Variants in DMD observed in about 807,000 individuals in gnomAD.
DMD encodes the protein mutant dystrophin.
In DMD, 63 loss-of-function variants were observed where a neutral mutation model predicts 330.1. The ratio of observed to expected loss-of-function variants is 0.19; its 90% CI spans 0.16 to 0.24. The LOEUF (loss-of-function observed/expected upper bound fraction) is 0.24, where lower values mean the gene tolerates loss of function less well. DMD is among the 10% of genes least tolerant of loss of function. The pLI, the probability that DMD is intolerant of heterozygous loss-of-function variation, is 1.00. For missense variants in DMD, 3,344 were observed against 2,684.1 expected, an observed-to-expected ratio of 1.25 and a Z score of -5.43; for synonymous variants, 1,223 against 959.8, an observed-to-expected ratio of 1.27 and a Z score of -5.07.
At chrX:32,162,064 G>A (rs1488645897) in intron 44 of DMD, among the ~76,000 whole-genome samples, 4 of 111,669 alleles carry the variant, frequency 3.6e-5, no homozygotes, top group African/African-American at 9.8e-5. Context: ...CCTAATGCAT[G>A]TGGGGCTTAA....
At chrX:32,521,047 C>T (rs1212521302) in intron 17 of DMD, among the ~76,000 whole-genome samples, 2 of 111,623 alleles carry the variant, frequency 1.8e-5, no homozygotes, top group Non-Finnish European at 3.8e-5. Context: ...GCATATGTAG[C>T]CACCGTTCTC....
chrX:32,504,818 A>G (rs764175726), intron 18 of DMD, among the ~76,000 whole-genome samples: 1 of 110,909 alleles, frequency 9.0e-6, no homozygotes, highest in East Asian at 2.8e-4. Context: ...TATGCTCAGC[A>G]CCAAACCTCA....
Position 32,536,264 on chromosome X carries a change from CAAAAAA to C in DMD, c.2168+8889_2168+8894del, listed in dbSNP as rs1191335690. ...TGGCAACAGAGTGAGACTCCGTCTC[CAAAAAA>C]AAAAAAAAAAAAAAAAAACACACAA... On this transcript the variant is annotated intron_variant, in intron 17 of 78. Transcript: ENST00000357033. 6.4e-3 allele frequency among the ~76,000 whole-genome samples: 233 copies of C among 36,354 alleles called. 2 individuals are homozygous for C. The highest frequency in any genetic ancestry group is 0.034 in the Middle Eastern group (1 of 29). The allele number at this position is 36,354 out of a possible 115,157, so 31.6% of individuals were successfully genotyped here.
chrX:31,685,428 T>C (rs1259475098), intron 52 of DMD, among the ~76,000 whole-genome samples: 1 of 112,302 alleles, frequency 8.9e-6, no homozygotes, highest in Non-Finnish European at 1.9e-5. Context: ...AATGTCATCA[T>C]CACATATAAA....
At chrX:31,922,644 C>T (rs764005532) in intron 47 of DMD, among the ~76,000 whole-genome samples, 7 of 111,031 alleles carry the variant, frequency 6.3e-5, no homozygotes, top group African/African-American at 2.3e-4. Flanking sequence ...AGACACCCAG[C>T]TGGTGCCTGC....
chrX:32,690,159 A>G (rs900705160), intron 9 of DMD, among the ~76,000 whole-genome samples: 11 of 111,294 alleles, frequency 9.9e-5, no homozygotes, highest in Non-Finnish European at 2.1e-4. Context: ...AGAAAACCCT[A>G]GAATCCATTA....
At chrX:32,544,326 C>A (rs2048765326) in intron 17 of DMD, among the ~76,000 whole-genome samples, 1 of 111,551 alleles carries the variant, frequency 9.0e-6, no homozygotes, top group African/African-American at 3.3e-5. Flanking sequence ...GATGTGTGTT[C>A]TTTTCAAACT....
chrX:33,083,132 T>C (rs942287952), intron 1 of DMD, among the ~76,000 whole-genome samples: 3 of 111,988 alleles, frequency 2.7e-5, no homozygotes, highest in African/African-American at 9.7e-5. Flanking sequence ...GTTCCCTTTC[T>C]CTGCAGCTTC....
chrX:32,773,522 T>A (rs7057616), intron 7 of DMD, among the ~76,000 whole-genome samples: 5,035 of 107,483 alleles, frequency 0.047, 309 homozygotes, highest in African/African-American at 0.16. Flanking sequence ...TTTTATTTTT[T>A]TTTTTTTTTT....
At chrX:31,310,604 G>C (rs1751131431) in intron 62 of DMD, among the ~76,000 whole-genome samples, 1 of 110,564 alleles carries the variant, frequency 9.0e-6, no homozygotes, top group African/African-American at 3.3e-5. Context: ...GAGTGCAGTG[G>C]CACAAACACG....
intron 1 of DMD, among the ~76,000 whole-genome samples, chrX:33,120,779 G>A (rs186709794): frequency 9.4e-6 from 1 of 106,598 alleles, no homozygotes; most frequent in Non-Finnish European, 1.9e-5. Flanking sequence ...TACTCGGGAG[G>A]CTGAGGCAGG....
chrX:31,798,521 T>C (rs1277496548), intron 50 of DMD, among the ~76,000 whole-genome samples: 1 of 104,486 alleles, frequency 9.6e-6, no homozygotes, highest in Admixed American at 1.0e-4. Flanking sequence ...GTTGGCAAAA[T>C]GATCCAAATT....
intron 55 of DMD, among the ~76,000 whole-genome samples, chrX:31,614,039 T>C (rs2078069823): frequency 8.9e-6 from 1 of 112,433 alleles, no homozygotes; most frequent in Non-Finnish European, 1.9e-5. Context: ...GAATCAACAA[T>C]TTACCATACC....
At chrX:33,316,000 A>G (rs1362698232) in intron 1 of DMD, among the ~76,000 whole-genome samples, 4 of 111,065 alleles carry the variant, frequency 3.6e-5, no homozygotes, top group Non-Finnish European at 1.9e-5. Context: ...ATGTTTTGCA[A>G]TATACCTCTT....
chrX:31,411,639 T>C (rs897489533), intron 60 of DMD, among the ~76,000 whole-genome samples: 1 of 110,724 alleles, frequency 9.0e-6, no homozygotes, highest in Non-Finnish European at 1.9e-5. Context: ...CATAGACTCT[T>C]TTTGTTTGTT....
At chrX:33,199,541 C>A (rs746881361) in intron 1 of DMD, among the ~76,000 whole-genome samples, 1 of 111,149 alleles carries the variant, frequency 9.0e-6, no homozygotes, top group East Asian at 2.8e-4. Flanking sequence ...AATGGAGATG[C>A]CACCCAGGCA....
At chrX:32,943,186 T>C (rs1454269006) in intron 2 of DMD, among the ~76,000 whole-genome samples, 1 of 111,491 alleles carries the variant, frequency 9.0e-6, no homozygotes, top group Admixed American at 9.6e-5. Context: ...ATGCAGCATA[T>C]TTAAATAAAA....
chrX:31,444,237 C>T (rs1312768880), intron 60 of DMD, among the ~76,000 whole-genome samples: 2 of 110,972 alleles, frequency 1.8e-5, no homozygotes, highest in South Asian at 3.8e-4. Context: ...TACCCAGCCC[C>T]AAGTATTCTT....
At chrX:32,335,053 C>A (rs2097698680) in intron 41 of DMD, among the ~76,000 whole-genome samples, 1 of 111,050 alleles carries the variant, frequency 9.0e-6, no homozygotes, top group African/African-American at 3.3e-5. Context: ...GAAAATGATA[C>A]TTGAGAGGGT....
Sources: gnomAD v4.1 joint callset for allele counts (sites outside exome capture counted in the v4.1 genomes callset) on GRCh38, gnomAD v4.1.1 for gene constraint, MANE v1.5 for transcripts, NCBI Gene and HGNC (gene_info 2026-07-23, HGNC 2026-07-21) for gene names.